Variants in PCDH15 observed in about 807,000 individuals in gnomAD.
PCDH15 encodes the protein protocadherin related 15, also known as protocadherin-15.
In PCDH15, 129 loss-of-function variants were observed where a neutral mutation model predicts 178.5. The ratio of observed to expected loss-of-function variants is 0.72; its 90% confidence interval spans 0.63 to 0.84. The LOEUF is 0.84. PCDH15 is among the 40% of genes least tolerant of loss of function. PCDH15 has a pLI of 0.00. For missense variants in PCDH15, 2,230 were observed against 2,099.9 expected, an observed-to-expected ratio of 1.06 and a Z score of -1.21; for synonymous variants, 800 against 732.0, an observed-to-expected ratio of 1.09 and a Z score of -1.50.
chr10:53,992,802 C>G (rs967150652), intron 21 of PCDH15, among the ~76,000 whole-genome samples: 1 of 152,090 alleles, frequency 6.6e-6, no homozygotes, highest in Non-Finnish European at 1.5e-5. Flanking sequence ...CACGAAAGCA[C>G]GGTAGAAAAA....
Position 54,955,891 on chromosome 10 carries a change from C to T in PCDH15, c.-79-58391G>A, listed in dbSNP as rs529136691. Among the ~76,000 whole-genome samples, 403 of 151,394 alleles carry T rather than the reference C, an allele frequency of 2.7e-3. 3 individuals are homozygous for T. Among genetic ancestry groups the T allele is most frequent in the African/African-American group, 9.4e-3 (391 of 41,448 alleles). On this transcript the variant is annotated intron_variant, in intron 2 of 5. Coordinates refer to the PCDH15 transcript ENST00000458638. Reference sequence around the variant, plus strand: ...ACAAATTTACTCTGATTTCTGAAAACCTCTAGCCACTTACATGCACTACAT... The same window carrying T: ...ACAAATTTACTCTGATTTCTGAAAATCTCTAGCCACTTACATGCACTACAT...
At chr10:54,700,874 T>C (rs543900673) in intron 1 of PCDH15, among the ~76,000 whole-genome samples, 10 of 151,996 alleles carry the variant, frequency 6.6e-5, no homozygotes, top group Non-Finnish European at 1.5e-4. Context: ...CCCTGTGAGA[T>C]ACTATACAAG....
At chr10:54,209,383 G>T (rs185117448) in intron 10 of PCDH15, among the ~76,000 whole-genome samples, 3 of 152,014 alleles carry the variant, frequency 2.0e-5, no homozygotes, top group Non-Finnish European at 4.4e-5. Context: ...AAGAGAATGC[G>T]AAATAAAGAA....
chr10:55,326,842 A>T (rs1279892303), intron 2 of PCDH15, among the ~76,000 whole-genome samples: 5 of 152,078 alleles, frequency 3.3e-5, no homozygotes, highest in Admixed American at 6.6e-5. Context: ...CTCAAAGATA[A>T]ATACTCAGAT....
intron 1 of PCDH15, among the ~76,000 whole-genome samples, chr10:54,772,708 G>A (rs549556758): frequency 4.6e-5 from 7 of 152,216 alleles, no homozygotes; most frequent in East Asian, 1.9e-4. Flanking sequence ...ACAGGGTGGC[G>A]ATTCCTCAGA....
intron 16 of PCDH15, among the ~76,000 whole-genome samples, chr10:54,088,469 A>T (rs1375365911): frequency 6.6e-6 from 1 of 152,154 alleles, no homozygotes; most frequent in African/African-American, 2.4e-5. Flanking sequence ...CACCATATAC[A>T]TTATTTTAAA....
At chr10:55,407,926 A>C (rs1838238219) in intron 2 of PCDH15, among the ~76,000 whole-genome samples, 1 of 152,196 alleles carries the variant, frequency 6.6e-6, no homozygotes, top group Admixed American at 6.5e-5. Context: ...AGTAATTAGC[A>C]GCAATTCATA....
intron 2 of PCDH15, chr10:54,607,725 A>T (rs962668905): frequency 1.2e-5 from 3 of 241,726 alleles, no homozygotes; most frequent in African/African-American, 7.1e-5. Context: ...TATTTATTAG[A>T]AAAAATATTA....
At chr10:55,483,594 T>C (rs550492892) in intron 2 of PCDH15, among the ~76,000 whole-genome samples, 1 of 151,810 alleles carries the variant, frequency 6.6e-6, no homozygotes, top group East Asian at 2.0e-4. Context: ...ATCTAAAGAC[T>C]GAAATATCAT....
intron 2 of PCDH15, among the ~76,000 whole-genome samples, chr10:54,915,283 T>C (rs902481298): frequency 2.6e-5 from 4 of 152,164 alleles, no homozygotes; most frequent in Non-Finnish European, 4.4e-5. Flanking sequence ...CAACAGAAGA[T>C]TGAACCCACT....
At chr10:55,205,892 C>A (rs1243956403) in intron 1 of PCDH15, among the ~76,000 whole-genome samples, 3 of 152,112 alleles carry the variant, frequency 2.0e-5, no homozygotes, top group Non-Finnish European at 2.9e-5. Flanking sequence ...CAAGGAGGAG[C>A]AAGTCATATC....
intron 1 of PCDH15, among the ~76,000 whole-genome samples, chr10:55,245,831 T>C (rs1316517832): frequency 6.6e-6 from 1 of 152,202 alleles, no homozygotes; most frequent in African/African-American, 2.4e-5. Flanking sequence ...AAGATTATTT[T>C]CCACTTCTCA....
intron 10 of PCDH15, among the ~76,000 whole-genome samples, chr10:54,212,988 A>G (rs947374914): frequency 1.3e-5 from 2 of 152,186 alleles, no homozygotes; most frequent in African/African-American, 2.4e-5. Context: ...ATGCACACAA[A>G]GCAGCTTAAA....
chr10:54,023,521 T>G (rs2092991788), intron 18 of PCDH15, among the ~76,000 whole-genome samples: 1 of 148,708 alleles, frequency 6.7e-6, no homozygotes, highest in Non-Finnish European at 1.5e-5. Flanking sequence ...GAGAAAAAAT[T>G]TTGTTTGTAA....
chr10:55,328,355 T>C (rs899950645), intron 2 of PCDH15, among the ~76,000 whole-genome samples: 1 of 151,874 alleles, frequency 6.6e-6, no homozygotes, highest in Admixed American at 6.6e-5. Flanking sequence ...ATTTATGTGG[T>C]GCAGCCTACT....
At chr10:54,713,636 G>A (rs1019636251) in intron 1 of PCDH15, among the ~76,000 whole-genome samples, 1 of 152,042 alleles carries the variant, frequency 6.6e-6, no homozygotes, top group Admixed American at 6.6e-5. Context: ...TAATCAATAT[G>A]TCTAAAATCT....
intron 1 of PCDH15, among the ~76,000 whole-genome samples, chr10:54,787,868 A>G (rs1951037508): frequency 6.6e-6 from 1 of 152,006 alleles, no homozygotes; most frequent in Admixed American, 6.6e-5. Flanking sequence ...TTAGAACAAT[A>G]AATTTATTTA....
intron 1 of PCDH15, among the ~76,000 whole-genome samples, chr10:55,316,120 A>G (rs1032517492): frequency 6.6e-6 from 1 of 152,234 alleles, no homozygotes; most frequent in Admixed American, 6.5e-5. Context: ...TATATGTCCC[A>G]AAAATTTTTC....
At chr10:53,814,428 C>A (rs1488161114) in intron 35 of PCDH15, among the ~76,000 whole-genome samples, 1 of 152,126 alleles carries the variant, frequency 6.6e-6, no homozygotes, top group Non-Finnish European at 1.5e-5. Context: ...TAACGCTCAG[C>A]TCTTGCTAGC....
Sources: gnomAD v4.1 joint callset for allele counts (sites outside exome capture counted in the v4.1 genomes callset) on GRCh38, gnomAD v4.1.1 for gene constraint, MANE v1.5 for transcripts, NCBI Gene and HGNC (gene_info 2026-07-23, HGNC 2026-07-21) for gene names.